The following MAST4 variants were observed in gnomAD, a reference collection of about 807,000 sequenced individuals.
The protein encoded by MAST4 is microtubule-associated serine/threonine-protein kinase 4.
MAST4 carries 89 observed loss-of-function variants against 162.7 expected under a neutral mutation model. The observed-to-expected ratio is 0.55, with a 90% CI of 0.46 to 0.65. MAST4 has a LOEUF of 0.65. Among genes scored for constraint, MAST4 ranks in the 30% least tolerant of loss-of-function variants. The probability of loss-of-function intolerance (pLI) is 0.00; values close to 1 mark genes in which losing one functional copy is unlikely to be tolerated. For synonymous variants in MAST4, 1,479 were observed against 1,361.1 expected (o/e 1.09, Z -1.91); for missense variants, 3,153 against 3,374.0 (o/e 0.93, Z 1.62).
At chr5:66,992,465 T>C (rs1317016916) in intron 4 of MAST4, among the ~76,000 whole-genome samples, 1 of 138,846 alleles carries the variant, frequency 7.2e-6, no homozygotes, top group African/African-American at 2.8e-5. Flanking sequence ...AACTCAGACT[T>C]CCGAAGTCAT....
intron 8 of MAST4, among the ~76,000 whole-genome samples, chr5:67,101,867 A>T (rs1291074488): frequency 6.6e-6 from 1 of 151,914 alleles, no homozygotes; most frequent in Non-Finnish European, 1.5e-5. Context: ...AGCTGTATCC[A>T]CTTAGGAATA....
intron 4 of MAST4, among the ~76,000 whole-genome samples, chr5:67,030,031 T>G (rs900557986): frequency 1.3e-5 from 2 of 152,146 alleles, no homozygotes; most frequent in East Asian, 3.8e-4. Flanking sequence ...AATGTATGTT[T>G]AAGGTTGAAA....
At chr5:66,770,926 A>G (rs1447340744) in intron 2 of MAST4, among the ~76,000 whole-genome samples, 1 of 152,214 alleles carries the variant, frequency 6.6e-6, no homozygotes, top group Non-Finnish European at 1.5e-5. Flanking sequence ...AAGGTAACAT[A>G]GGCCTTCAAT....
intron 3 of MAST4, among the ~76,000 whole-genome samples, chr5:66,817,790 T>C (rs1756803367): frequency 6.6e-6 from 1 of 152,204 alleles, no homozygotes; most frequent in East Asian, 1.9e-4. Context: ...GATTAATGAA[T>C]ATAAATGAAT....
chr5:67,157,919 T>C (rs544046794), intron 26 of MAST4, among the ~76,000 whole-genome samples: 1 of 152,342 alleles, frequency 6.6e-6, no homozygotes, highest in East Asian at 1.9e-4. Flanking sequence ...ATCTATGCTT[T>C]TAAAAAGTCA....
At chr5:66,799,043 A>G (rs1755788263) in intron 3 of MAST4, among the ~76,000 whole-genome samples, 1 of 152,090 alleles carries the variant, frequency 6.6e-6, no homozygotes, top group Admixed American at 6.6e-5. Flanking sequence ...TGTTTTCTGG[A>G]CACATTCATC....
chr5:66,951,432 G>A (rs1028984101), intron 4 of MAST4, among the ~76,000 whole-genome samples: 1 of 151,942 alleles, frequency 6.6e-6, no homozygotes, highest in Non-Finnish European at 1.5e-5. Flanking sequence ...TTATCTTATG[G>A]GAAATCATGA....
chr5:66,958,977 A>G (rs1448395929), intron 4 of MAST4: 3 of 402,690 alleles, frequency 7.4e-6, no homozygotes, highest in Non-Finnish European at 1.3e-5. Flanking sequence ...AAAAAAAATC[A>G]GAAACCAATT....
rs754793400 is a variant in MAST4, at chr5:67,162,768, C to T, written c.3947C>T (p.Ser1316Phe). 31 of 1,613,710 alleles carry T rather than the reference C, an allele frequency of 1.9e-5. No homozygotes were observed. Among genetic ancestry groups the T allele is most frequent in the Non-Finnish European group, 2.6e-5 (31 of 1,179,852 alleles). Residue 1316 changes from serine to phenylalanine, a missense_variant, in exon 28 of 29, where the codon TCC becomes TTC. Physicochemically the swap from Ser to Phe is radical, Grantham distance 155. Transcript: ENST00000403625. ...SPRSPTPSYR[S>F]TPDFPSGTNS... The stretch of plus-strand genomic sequence containing the variant: ...CGGTCTCCAACACCAAGCTACCGCT[C>T]CACCCCTGACTTCCCATCTGGTGAG...
chr5:67,107,311 C>T (rs775496966), intron 10 of MAST4, among the ~76,000 whole-genome samples: 3 of 152,142 alleles, frequency 2.0e-5, no homozygotes, highest in African/African-American at 4.8e-5. Context: ...TAAAATCTTA[C>T]GGTTTCACAG....
chr5:67,152,534 G>A, intron 24 of MAST4, 103 bp from the exon 25 acceptor site: 2 of 834,670 alleles, frequency 2.4e-6, no homozygotes, highest in Non-Finnish European at 4.0e-6. Flanking sequence ...GATTTGTGTT[G>A]TGACTATGCC....
chr5:66,859,687 T>C (rs896062024), intron 3 of MAST4, among the ~76,000 whole-genome samples: 1 of 152,218 alleles, frequency 6.6e-6, no homozygotes, highest in Non-Finnish European at 1.5e-5. Context: ...AGGCTTGTCA[T>C]TGAGTGCAAT....
At chr5:66,999,296 G>A (rs1293741245) in intron 4 of MAST4, among the ~76,000 whole-genome samples, 4 of 152,170 alleles carry the variant, frequency 2.6e-5, no homozygotes, top group Non-Finnish European at 4.4e-5. Flanking sequence ...AGAAGGTAGA[G>A]TGCTGGAGTG....
intron 1 of MAST4, among the ~76,000 whole-genome samples, chr5:66,629,302 GT>G (rs1252048069): frequency 1.3e-5 from 2 of 152,172 alleles, no homozygotes; most frequent in Non-Finnish European, 2.9e-5. Flanking sequence ...GACACTGGTG[GT>G]TTTACTGCAA....
chr5:67,108,566 G>A (rs1448720293), intron 10 of MAST4, among the ~76,000 whole-genome samples: 2 of 152,082 alleles, frequency 1.3e-5, no homozygotes, highest in African/African-American at 4.8e-5. Context: ...CTGGTTACTA[G>A]GACCTGTCGT....
chr5:66,629,366 G>A (rs1744650789), intron 1 of MAST4, among the ~76,000 whole-genome samples: 1 of 152,214 alleles, frequency 6.6e-6, no homozygotes, highest in Admixed American at 6.5e-5. Flanking sequence ...TACCTGTGCA[G>A]TTAGCTGTGT....
intron 3 of MAST4, among the ~76,000 whole-genome samples, chr5:66,810,583 G>A (rs1010280195): frequency 1.3e-5 from 2 of 152,182 alleles, no homozygotes; most frequent in East Asian, 1.9e-4. Flanking sequence ...AGATGAACAA[G>A]TAAGTAGCCA....
At chr5:66,608,612 C>T (rs545208899) in intron 1 of MAST4, among the ~76,000 whole-genome samples, 7 of 152,166 alleles carry the variant, frequency 4.6e-5, no homozygotes, top group Non-Finnish European at 1.0e-4. Flanking sequence ...AGGAGTTTGA[C>T]TCCAGAGGAC....
At position 67,163,021 on chromosome 5, in the gene MAST4, A is replaced by G; in HGVS notation, c.3968-126A>G. ...GGTTTATCTGAAAAGTGTTTATTCCACTAGCTAAATGCTGAGACAATTTGC... is the reference window on the plus strand; with the variant it reads ...GGTTTATCTGAAAAGTGTTTATTCCGCTAGCTAAATGCTGAGACAATTTGC... On this transcript the variant is annotated intron_variant, in intron 28 of 28. Transcript: ENST00000403625. This position sits in a 1 kb window ranked among gnomAD's most constrained non-coding sequence, Gnocchi z 7.0. The G allele has an allele frequency of 8.6e-7, 1 of 1,168,006 alleles. No homozygotes were observed. Among genetic ancestry groups the G allele is most frequent in the Non-Finnish European group, 1.2e-6 (1 of 825,954 alleles). The allele number at this position is 1,168,006 out of a possible 1,614,324, so 72.4% of individuals were successfully genotyped here.
Sources: allele counts gnomAD v4.1 joint callset (sites outside exome capture counted in the v4.1 genomes callset), GRCh38; gene constraint gnomAD v4.1.1; non-coding constraint Gnocchi (gnomAD v3.1); transcripts MANE v1.5; gene names NCBI Gene and HGNC (gene_info 2026-07-23, HGNC 2026-07-21).